The following GPCPD1 variants were observed in gnomAD, a reference collection of about 807,000 sequenced individuals.
The protein encoded by GPCPD1 is glycerophosphocholine phosphodiesterase GPCPD1.
In GPCPD1, 29 loss-of-function variants were observed where a neutral mutation model predicts 89.2. The ratio of observed to expected loss-of-function variants is 0.33; its 90% CI spans 0.24 to 0.44. The LOEUF (loss-of-function observed/expected upper bound fraction) is 0.44, where lower values mean the gene tolerates loss of function less well. Among genes scored for constraint, GPCPD1 ranks in the 20% least tolerant of loss-of-function variants. GPCPD1 has a pLI of 1.00. For synonymous variants in GPCPD1, 258 were observed against 266.3 expected (o/e 0.97, Z 0.30); for missense variants, 594 against 808.9 (o/e 0.73, Z 3.22).
intron 13 of GPCPD1, 43 bp from the exon 14 acceptor site, chr20:5,566,815 A>C: frequency 1.6e-6 from 2 of 1,276,164 alleles, no homozygotes; most frequent in Non-Finnish European, 2.3e-6. Context: ...AGGAAGCCTT[A>C]GCTTATGAAG....
At chr20:5,561,170 C>T (rs535563991) in intron 16 of GPCPD1, among the ~76,000 whole-genome samples, 153 of 152,144 alleles carry the variant, frequency 1.0e-3, no homozygotes, top group African/African-American at 3.6e-3. Flanking sequence ...AAACTAAATC[C>T]AAGAGATGTG....
At chr20:5,600,999 T>G (rs975234113) in intron 2 of GPCPD1, among the ~76,000 whole-genome samples, 1 of 151,548 alleles carries the variant, frequency 6.6e-6, no homozygotes, top group Admixed American at 6.6e-5. Flanking sequence ...CGAAAAAAAT[T>G]TTTTTTAAAT....
intron 14 of GPCPD1, among the ~76,000 whole-genome samples, 200 bp downstream of exon 14, chr20:5,566,533 T>C (rs1052881798): frequency 1.3e-5 from 2 of 152,208 alleles, no homozygotes; most frequent in African/African-American, 4.8e-5. Context: ...AGAAAAGCAA[T>C]GCAATGGTTA....
intron 16 of GPCPD1, among the ~76,000 whole-genome samples, chr20:5,560,904 C>T (rs1412528818): frequency 6.6e-6 from 1 of 152,202 alleles, no homozygotes; most frequent in Non-Finnish European, 1.5e-5. Context: ...TTGTTTTCCA[C>T]AACTGAAATA....
intron 4 of GPCPD1, among the ~76,000 whole-genome samples, chr20:5,592,648 C>T (rs1239137674): frequency 2.6e-5 from 4 of 152,156 alleles, no homozygotes; most frequent in African/African-American, 4.8e-5. Context: ...TGTTCATATG[C>T]AGCCCAAGGG....
chr20:5,596,355 G>A (rs1979728659), intron 3 of GPCPD1, among the ~76,000 whole-genome samples: 1 of 152,072 alleles, frequency 6.6e-6, no homozygotes, highest in Admixed American at 6.6e-5. Context: ...TCGTGTCATC[G>A]CACTCCAGCC....
chr20:5,583,564 G>C (rs1978708113), intron 6 of GPCPD1, among the ~76,000 whole-genome samples: 1 of 152,078 alleles, frequency 6.6e-6, no homozygotes, highest in African/African-American at 2.4e-5. Flanking sequence ...AAGAAAATTA[G>C]AATTCTCAGG....
chr20:5,548,580 A>G (rs145424339), intron 19 of GPCPD1, among the ~76,000 whole-genome samples: 28 of 152,352 alleles, frequency 1.8e-4, no homozygotes, highest in African/African-American at 6.5e-4. Flanking sequence ...GGGTCAAGGT[A>G]TCAAGACAGA....
chr20:5,557,933 A>G lies in GPCPD1; in HGVS notation c.1829+12T>C. On this transcript the variant is annotated intron_variant, in intron 19 of 19. Transcript: ENST00000379019. ...CTAAATTCCATGAAAATTTTTCATG[A>G]AAAACAAATACCTATCATAAATTAG... The G allele has an allele frequency of 2.1e-6, 3 of 1,446,340 alleles. No individual in the cohort carries two copies. Among genetic ancestry groups the G allele is most frequent in the South Asian group, 1.2e-5 (1 of 80,432 alleles). 89.6% of individuals were successfully genotyped at this position (1,446,340 alleles called of 1,614,324 possible).
rs117873778 is a variant in GPCPD1 at position 5,603,704 on chromosome 20, T to C, written c.49+660A>G. On this transcript the variant is annotated intron_variant, in intron 2 of 19. Transcript: ENST00000379019. ...ATGAGGCTAAAAACATATTCACACA[T>C]AGGAACAAGGTTATCCCAGCCAATT... Among the ~76,000 whole-genome samples, 136 of 151,438 alleles carry C rather than the reference T, an allele frequency of 9.0e-4. 5 individuals carry two copies. The East Asian group carries it at 0.024, about 27-fold the overall frequency.
intron 4 of GPCPD1, among the ~76,000 whole-genome samples, chr20:5,587,668 T>C (rs1302700405): frequency 1.3e-5 from 2 of 152,174 alleles, no homozygotes; most frequent in Non-Finnish European, 2.9e-5. Context: ...GCCCAGCCTA[T>C]ACATACTCTT....
intron 2 of GPCPD1, among the ~76,000 whole-genome samples, chr20:5,603,408 A>G (rs894364443): frequency 3.9e-5 from 6 of 152,184 alleles, no homozygotes; most frequent in African/African-American, 1.4e-4. Context: ...GGAGGCTGGC[A>G]GTGGGGACAG....
At chr20:5,560,173 CT>C (rs1370846736) in intron 16 of GPCPD1, 97 bp from the exon 17 acceptor site, 1 of 711,580 alleles carries the variant, frequency 1.4e-6, no homozygotes, top group African/African-American at 1.8e-5. Context: ...GAAAAAACCC[CT>C]GACAGTATCT....
chr20:5,604,045 C>A (rs1442807471), intron 2 of GPCPD1, among the ~76,000 whole-genome samples: 4 of 152,220 alleles, frequency 2.6e-5, no homozygotes, highest in Admixed American at 2.0e-4. Flanking sequence ...CTGCGCCCGG[C>A]CTACCAACTT....
intron 3 of GPCPD1, among the ~76,000 whole-genome samples, chr20:5,595,640 C>CAAAACA (rs1555809483): frequency 5.3e-5 from 8 of 151,752 alleles, no homozygotes; most frequent in Admixed American, 1.3e-4. Flanking sequence ...GATTCCATCT[C>CAAAACA]AAAACAAAAA....
intron 2 of GPCPD1, among the ~76,000 whole-genome samples, chr20:5,600,135 A>G (rs1311369636): frequency 6.6e-6 from 1 of 152,254 alleles, no homozygotes; most frequent in African/African-American, 2.4e-5. Flanking sequence ...TCCAAGCTTG[A>G]GGCACTGCTC....
chr20:5,563,200 T>C (rs995814671), intron 15 of GPCPD1, among the ~76,000 whole-genome samples: 1 of 152,026 alleles, frequency 6.6e-6, no homozygotes, highest in East Asian at 1.9e-4. Context: ...AGGATGATCT[T>C]GATCCCCTGA....
intron 1 of GPCPD1, 52 bp from the exon 2 acceptor site, chr20:5,604,492 A>G: frequency 1.3e-6 from 1 of 786,610 alleles, no homozygotes. Context: ...TGCCTTAGCT[A>G]GCCACCATCA....
At chr20:5,594,182 G>A (rs1438173270) in intron 3 of GPCPD1, among the ~76,000 whole-genome samples, 1 of 152,220 alleles carries the variant, frequency 6.6e-6, no homozygotes, top group Non-Finnish European at 1.5e-5. Flanking sequence ...ACCATCATTA[G>A]TAGCTGGGAG....
Sources: allele counts gnomAD v4.1 joint callset (sites outside exome capture counted in the v4.1 genomes callset), GRCh38; gene constraint gnomAD v4.1.1; transcripts MANE v1.5; gene names NCBI Gene and HGNC (gene_info 2026-07-23, HGNC 2026-07-21).